Variants in RGS7 observed in about 807,000 individuals in gnomAD.
The protein encoded by RGS7 is regulator of G-protein signaling 7.
Under a neutral mutation model 81.1 loss-of-function variants are expected in RGS7, and 27 were observed. The ratio of observed to expected loss-of-function variants is 0.33; its 90% confidence interval spans 0.25 to 0.46. The LOEUF is 0.46. RGS7 is among the 20% of genes least tolerant of loss of function. The pLI is 1.00. For missense variants in RGS7, 396 were observed against 607.4 expected, an observed-to-expected ratio of 0.65 and a Z score of 3.66; for synonymous variants, 208 against 207.7, an observed-to-expected ratio of 1.00 and a Z score of -0.01.
intron 2 of RGS7, among the ~76,000 whole-genome samples, chr1:241,284,065 G>A (rs1300866926): frequency 6.6e-6 from 1 of 152,000 alleles, no homozygotes; most frequent in Admixed American, 6.6e-5. Flanking sequence ...ATTGCTTATT[G>A]AATCATTTTT....
intron 4 of RGS7, among the ~76,000 whole-genome samples, chr1:240,979,019 G>A (rs187125546): frequency 2.2e-4 from 33 of 152,206 alleles, no homozygotes; most frequent in Non-Finnish European, 3.7e-4. Flanking sequence ...CAACGAAATG[G>A]CAATGGCCCA....
intron 2 of RGS7, among the ~76,000 whole-genome samples, chr1:241,245,464 C>T (rs561333188): frequency 1.9e-4 from 29 of 151,076 alleles, no homozygotes; most frequent in South Asian, 1.7e-3. Context: ...CCTGCAGAAC[C>T]ATATGCCAAT....
At chr1:240,915,988 G>A (rs1297610134) in intron 6 of RGS7, among the ~76,000 whole-genome samples, 1 of 151,734 alleles carries the variant, frequency 6.6e-6, no homozygotes, top group African/African-American at 2.4e-5. Context: ...GAAATGTCAG[G>A]CGCAGTGGCT....
chr1:241,178,028 T>C (rs148924964), intron 2 of RGS7, among the ~76,000 whole-genome samples: 13 of 152,298 alleles, frequency 8.5e-5, no homozygotes, highest in African/African-American at 3.1e-4. Flanking sequence ...GGCTCATTCC[T>C]GTAAGCCCAG....
chr1:240,952,287 A>G (rs1679693975), intron 4 of RGS7, among the ~76,000 whole-genome samples: 1 of 152,114 alleles, frequency 6.6e-6, no homozygotes, highest in Non-Finnish European at 1.5e-5. Flanking sequence ...TGTTTAAAAT[A>G]ATAGTAACAG....
At chr1:241,141,802 C>A (rs1280840946) in intron 2 of RGS7, among the ~76,000 whole-genome samples, 2 of 152,162 alleles carry the variant, frequency 1.3e-5, no homozygotes, top group Non-Finnish European at 2.9e-5. Flanking sequence ...TCTCATGTAC[C>A]CACATTTCAA....
At chr1:241,178,610 G>A (rs1485226174) in intron 2 of RGS7, among the ~76,000 whole-genome samples, 1 of 152,192 alleles carries the variant, frequency 6.6e-6, no homozygotes, top group Non-Finnish European at 1.5e-5. Context: ...TTTCAGGAAG[G>A]AGGACATGGT....
intron 10 of RGS7, among the ~76,000 whole-genome samples, chr1:240,818,802 G>A (rs1163622316): frequency 1.3e-4 from 20 of 152,158 alleles, no homozygotes; most frequent in Admixed American, 1.3e-3. Context: ...GGAAAAGAAA[G>A]CTCTTGGTCA....
intron 3 of RGS7, among the ~76,000 whole-genome samples, chr1:241,044,385 C>T (rs2060798101): frequency 6.6e-6 from 1 of 152,074 alleles, no homozygotes; most frequent in East Asian, 1.9e-4. Flanking sequence ...GTTGGGAATA[C>T]AGGCATGAGC....
At chr1:241,100,172 G>A (rs910697728) in intron 2 of RGS7, among the ~76,000 whole-genome samples, 13 of 150,568 alleles carry the variant, frequency 8.6e-5, no homozygotes, top group African/African-American at 2.2e-4. Context: ...TCAGGAGATC[G>A]AGACCATCCT....
At chr1:241,354,240 A>G (rs2083424102) in intron 2 of RGS7, among the ~76,000 whole-genome samples, 1 of 152,140 alleles carries the variant, frequency 6.6e-6, no homozygotes. Flanking sequence ...CTCCCCCCAA[A>G]ATATTTCTTC....
At chr1:241,262,022 T>A (rs1316269) in intron 2 of RGS7, among the ~76,000 whole-genome samples, 111,169 of 151,996 alleles carry the variant, frequency 0.73, 40,710 homozygotes, top group Admixed American at 0.83. Context: ...AGGATTTTTT[T>A]AAGTGAAATG....
chr1:240,978,124 G>A (rs1356683720), intron 4 of RGS7, among the ~76,000 whole-genome samples: 3 of 152,154 alleles, frequency 2.0e-5, no homozygotes, highest in Admixed American at 2.0e-4. Context: ...GCTGCAAAGT[G>A]GAGACGATCC....
At chr1:240,909,051 A>G (rs1262194125) in intron 6 of RGS7, among the ~76,000 whole-genome samples, 2 of 152,250 alleles carry the variant, frequency 1.3e-5, no homozygotes, top group Non-Finnish European at 2.9e-5. Flanking sequence ...GCAGAATCAC[A>G]AAGTTGTGAA....
intron 5 of RGS7, 108 bp from the exon 6 acceptor site, chr1:240,930,876 A>G (rs1675327309): frequency 9.3e-7 from 1 of 1,076,866 alleles, no homozygotes; most frequent in South Asian, 1.3e-5. Context: ...TTAGTTTGCT[A>G]TATGTTTTAT....
intron 10 of RGS7, among the ~76,000 whole-genome samples, chr1:240,817,258 T>A (rs531667322): frequency 2.0e-5 from 3 of 152,178 alleles, no homozygotes; most frequent in Non-Finnish European, 4.4e-5. Flanking sequence ...TCCTTTAAAA[T>A]AAAGAATTTA....
chr1:241,005,802 TGA>T (rs1279130896), intron 3 of RGS7, among the ~76,000 whole-genome samples: 2 of 152,212 alleles, frequency 1.3e-5, no homozygotes, highest in Non-Finnish European at 2.9e-5. Context: ...CCCAAAGTGC[TGA>T]GATTACAGGC....
intron 2 of RGS7, among the ~76,000 whole-genome samples, chr1:241,180,153 T>C (rs1380592956): frequency 6.6e-6 from 1 of 151,998 alleles, no homozygotes; most frequent in East Asian, 1.9e-4. Context: ...GGCAGGCGGA[T>C]CACGAGGTCA....
At chr1:241,167,203 C>T (rs1031056779) in intron 2 of RGS7, among the ~76,000 whole-genome samples, 3 of 152,176 alleles carry the variant, frequency 2.0e-5, no homozygotes, top group African/African-American at 7.2e-5. Context: ...GATCTTCGGG[C>T]TTGCCTCCTT....
Sources: gnomAD v4.1 joint callset for allele counts (sites outside exome capture counted in the v4.1 genomes callset) on GRCh38, gnomAD v4.1.1 for gene constraint, MANE v1.5 for transcripts, NCBI Gene and HGNC (gene_info 2026-07-23, HGNC 2026-07-21) for gene names.